SOX6: variants seen among roughly 807,000 people sequenced by gnomAD.
SOX6 encodes SRY-box transcription factor 6, also known as transcription factor SOX-6.
In SOX6, 11 loss-of-function variants were observed where a neutral mutation model predicts 97.8. The ratio of observed to expected loss-of-function variants is 0.11; its 90% CI spans 0.07 to 0.19. The LOEUF is 0.19. Ranked by LOEUF, SOX6 falls within the 10% of genes least tolerant of loss-of-function variation. The pLI is 1.00. For missense variants in SOX6, 810 were observed against 1,039.5 expected (o/e 0.78, Z 3.04); for synonymous variants, 360 against 371.4 (o/e 0.97, Z 0.35).
intron 3 of SOX6, chr11:16,312,052 A>T (rs1026138667): frequency 6.6e-6 from 1 of 152,166 alleles, no homozygotes; most frequent in Non-Finnish European, 1.5e-5. Context: ...GTCCCTTCTT[A>T]CATGCACAGT....
intron 12 of SOX6, among the ~76,000 whole-genome samples, chr11:16,037,267 G>A (rs1855543542): frequency 6.6e-6 from 1 of 152,150 alleles, no homozygotes; most frequent in African/African-American, 2.4e-5. Context: ...GATTTAATTT[G>A]GAGGTTGGGA....
At chr11:15,990,951 T>G (rs1461963711) in intron 13 of SOX6, among the ~76,000 whole-genome samples, 5 of 152,186 alleles carry the variant, frequency 3.3e-5, no homozygotes, top group Admixed American at 3.3e-4. Flanking sequence ...AAGCCAGTAA[T>G]AAATTACAAC....
intron 14 of SOX6, among the ~76,000 whole-genome samples, chr11:15,987,242 T>G (rs1307193905): frequency 6.6e-6 from 1 of 152,212 alleles, no homozygotes; most frequent in African/African-American, 2.4e-5. Flanking sequence ...TGTTAGCGAT[T>G]CTTCAGTGGA....
At chr11:16,372,214 A>G (rs180724083) in intron 1 of SOX6, among the ~76,000 whole-genome samples, 1 of 152,236 alleles carries the variant, frequency 6.6e-6, no homozygotes, top group East Asian at 1.9e-4. Flanking sequence ...TGTGAAAGCC[A>G]GGTAACTCAA....
rs568828086 is a variant in SOX6 at position 16,511,092 on chromosome 11, A to G, written n.610-34704T>C. 2.6e-4 allele frequency among the ~76,000 whole-genome samples: 40 copies of G among 152,306 alleles called. 1 individual carries two copies. The highest frequency in any genetic ancestry group is 3.4e-3 in the Middle Eastern group (1 of 294). On this transcript the variant is annotated intron_variant and non_coding_transcript_variant, in intron 4 of 5. Coordinates refer to the SOX6 transcript ENST00000524520. ...ATATAAACATATTTCTCTGATAGTTAAAAGAGGAGCTTCATTCTAATTGAC... is the reference window on the plus strand; with the variant it reads ...ATATAAACATATTTCTCTGATAGTTGAAAGAGGAGCTTCATTCTAATTGAC...
chr11:16,094,619 A>T (rs1327965719), intron 9 of SOX6, among the ~76,000 whole-genome samples: 5 of 151,910 alleles, frequency 3.3e-5, no homozygotes, highest in Non-Finnish European at 7.4e-5. Context: ...GCTAGTTGTC[A>T]TCACACATAT....
intron 4 of SOX6, among the ~76,000 whole-genome samples, chr11:16,575,125 C>A (rs557606753): frequency 3.2e-4 from 48 of 151,784 alleles, no homozygotes; most frequent in African/African-American, 1.1e-3. Flanking sequence ...AGAAATCTAC[C>A]TAATCAATAG....
intron 1 of SOX6, among the ~76,000 whole-genome samples, chr11:16,348,074 G>C (rs1368357458): frequency 2.0e-5 from 3 of 151,738 alleles, no homozygotes; most frequent in Non-Finnish European, 4.4e-5. Flanking sequence ...AAGGGGAGAA[G>C]GTAAAAGGGG....
chr11:16,104,800 A>G (rs1849037134), intron 7 of SOX6, among the ~76,000 whole-genome samples: 1 of 152,100 alleles, frequency 6.6e-6, no homozygotes, highest in Non-Finnish European at 1.5e-5. Flanking sequence ...ACCTAGGAGA[A>G]ATGGACAAAT....
At chr11:16,303,478 A>G (rs1042997898) in intron 3 of SOX6, among the ~76,000 whole-genome samples, 18 of 152,186 alleles carry the variant, frequency 1.2e-4, no homozygotes, top group African/African-American at 4.3e-4. Context: ...GATATATGTG[A>G]CTATTTTTCT....
intron 9 of SOX6, among the ~76,000 whole-genome samples, chr11:16,070,778 G>C (rs534323008): frequency 3.3e-5 from 5 of 151,876 alleles, no homozygotes; most frequent in African/African-American, 1.2e-4. Context: ...GCCCCCTGGC[G>C]GGGGGGCACA....
At chr11:16,040,272 T>G (rs1855625612) in intron 12 of SOX6, among the ~76,000 whole-genome samples, 1 of 152,040 alleles carries the variant, frequency 6.6e-6, no homozygotes, top group Non-Finnish European at 1.5e-5. Flanking sequence ...TTTTTCCTGT[T>G]TAAAGTACAG....
chr11:15,989,030 C>T lies in SOX6; in HGVS notation c.1933G>A (p.Asp645Asn), dbSNP rs1428866519. 2.5e-6 allele frequency: 4 copies of T among 1,614,194 alleles called. No individual in the cohort carries two copies. The highest frequency in any genetic ancestry group is 3.4e-6 in the Non-Finnish European group (4 of 1,180,014). Residue 645 changes from aspartate to asparagine, a missense_variant, in exon 14 of 16, where the codon GAC (aspartate) becomes AAC (asparagine). Around this residue, in one of 9 missense-constraint regions of SOX6, gnomAD observed 51 missense variants for 145.7 expected, o/e 0.35. Coordinates refer to ENST00000683767, the MANE Select transcript of SOX6 (RefSeq NM_001367873.1). ...ERRKILQAFP[D>N]MHNSNISKIL... is the part of the protein sequence containing the mutation. ...TTGCTAATGTTGGAGTTATGCATGT[C>T]GGGGAAGGCCTGAAGGATTTTTCTC...
intron 3 of SOX6, among the ~76,000 whole-genome samples, chr11:16,673,193 T>C (rs1460159125): frequency 6.6e-6 from 1 of 152,050 alleles, no homozygotes; most frequent in Non-Finnish European, 1.5e-5. Flanking sequence ...AACCTAACAA[T>C]GTGTCTTAAA....
intron 2 of SOX6, among the ~76,000 whole-genome samples, chr11:16,338,425 G>GA (rs1554959311): frequency 1.3e-5 from 2 of 151,576 alleles, no homozygotes; most frequent in African/African-American, 2.4e-5. Flanking sequence ...TCCTTCTATT[G>GA]TTTTTTTTCC....
At chr11:16,398,980 A>G (rs1858456903) in intron 1 of SOX6, among the ~76,000 whole-genome samples, 1 of 151,442 alleles carries the variant, frequency 6.6e-6, no homozygotes, top group African/African-American at 2.4e-5. Context: ...GATTCAAAAG[A>G]TGATTATGAG....
chr11:15,976,305 C>T (rs1301124723), intron 15 of SOX6, among the ~76,000 whole-genome samples: 1 of 152,148 alleles, frequency 6.6e-6, no homozygotes, highest in African/African-American at 2.4e-5. Flanking sequence ...CCCAGCTGCA[C>T]CAGTTACTGG....
chr11:16,414,516 A>G (rs1352192287), intron 1 of SOX6, among the ~76,000 whole-genome samples: 1 of 152,202 alleles, frequency 6.6e-6, no homozygotes, highest in African/African-American at 2.4e-5. Flanking sequence ...AATGGGCATT[A>G]TATATGGTCA....
At chr11:16,668,579 T>C (rs1847824692) in intron 3 of SOX6, among the ~76,000 whole-genome samples, 1 of 152,018 alleles carries the variant, frequency 6.6e-6, no homozygotes, top group African/African-American at 2.4e-5. Context: ...TGAATGTACA[T>C]AAACTAAACT....
Sources: allele counts gnomAD v4.1 joint callset (sites outside exome capture counted in the v4.1 genomes callset), GRCh38; gene constraint gnomAD v4.1.1; regional missense constraint gnomAD v4.1.1; transcripts MANE v1.5; gene names NCBI Gene and HGNC (gene_info 2026-07-23, HGNC 2026-07-21).